The following OPHN1 variants were observed in gnomAD, a reference collection of about 807,000 sequenced individuals.
OPHN1 encodes the protein oligophrenin 1.
A neutral mutation model predicts 60.7 loss-of-function variants in OPHN1; 11 were observed. The ratio of observed to expected loss-of-function variants is 0.18; its 90% CI spans 0.11 to 0.30. The LOEUF (loss-of-function observed/expected upper bound fraction) is 0.30, where lower values mean the gene tolerates loss of function less well. Ranked by LOEUF, OPHN1 falls within the 10% of genes least tolerant of loss-of-function variation. The probability of loss-of-function intolerance (pLI) is 1.00; values close to 1 mark genes in which losing one functional copy is unlikely to be tolerated. For synonymous variants in OPHN1, 226 were observed against 222.6 expected, an observed-to-expected ratio of 1.02 and a Z score of -0.14; for missense variants, 449 against 611.0, an observed-to-expected ratio of 0.73 and a Z score of 2.80.
chrX:68,383,235 A>C (rs2078606838), intron 2 of OPHN1, among the ~76,000 whole-genome samples: 1 of 111,207 alleles, frequency 9.0e-6, no homozygotes, highest in Non-Finnish European at 1.9e-5. Context: ...CTCTCATCTC[A>C]GACCAAGTGC....
At chrX:68,187,569 G>T (rs1338738153) in intron 15 of OPHN1, among the ~76,000 whole-genome samples, 1 of 110,073 alleles carries the variant, frequency 9.1e-6, no homozygotes, top group East Asian at 2.8e-4. Context: ...AATGATTTTA[G>T]GCTACTGACC....
chrX:68,191,890 A>C (rs1158176637), intron 15 of OPHN1, among the ~76,000 whole-genome samples: 1 of 111,809 alleles, frequency 8.9e-6, no homozygotes, highest in Non-Finnish European at 1.9e-5. Flanking sequence ...CTTAAAAAGA[A>C]GACTCAAATA....
At chrX:68,265,608 A>C (rs1406444336) in intron 5 of OPHN1, among the ~76,000 whole-genome samples, 1 of 111,794 alleles carries the variant, frequency 8.9e-6, no homozygotes, top group Non-Finnish European at 1.9e-5. Context: ...GGAAACTCTA[A>C]AACTCAGAGC....
At chrX:68,170,967 G>T (rs1021241460) in intron 15 of OPHN1, among the ~76,000 whole-genome samples, 9 of 110,385 alleles carry the variant, frequency 8.2e-5, no homozygotes, top group African/African-American at 2.6e-4. Flanking sequence ...TTGAAGGATG[G>T]TTACAAGAGT....
chrX:68,136,909 T>C (rs1025154829), intron 15 of OPHN1, among the ~76,000 whole-genome samples: 12 of 111,823 alleles, frequency 1.1e-4, no homozygotes, highest in African/African-American at 3.9e-4. Context: ...ATAAAGTTCT[T>C]GAATACTATA....
chrX:68,302,945 A>G (rs780969375), intron 2 of OPHN1, among the ~76,000 whole-genome samples: 12 of 110,967 alleles, frequency 1.1e-4, no homozygotes, highest in Non-Finnish European at 1.7e-4. Context: ...AATTTTAAAA[A>G]AGAAAGCAAT....
At chrX:68,124,523 G>A (rs1008184439) in intron 15 of OPHN1, among the ~76,000 whole-genome samples, 4 of 111,028 alleles carry the variant, frequency 3.6e-5, no homozygotes, top group African/African-American at 6.6e-5. Context: ...AGAAGCATTC[G>A]ACTTAATCTG....
At chrX:68,065,639 C>T (rs1450957356) in intron 20 of OPHN1, among the ~76,000 whole-genome samples, 3 of 111,804 alleles carry the variant, frequency 2.7e-5, no homozygotes, top group South Asian at 3.8e-4. Flanking sequence ...TACAAGTTCC[C>T]TATTCTCTCT....
intron 2 of OPHN1, among the ~76,000 whole-genome samples, chrX:68,366,890 C>A (rs2078501401): frequency 9.0e-6 from 1 of 111,415 alleles, no homozygotes; most frequent in Non-Finnish European, 1.9e-5. Context: ...TATCTTTATA[C>A]CCAACTTTGC....
intron 15 of OPHN1, among the ~76,000 whole-genome samples, chrX:68,188,168 T>C (rs1944564142): frequency 8.9e-6 from 1 of 112,170 alleles, no homozygotes; most frequent in Non-Finnish European, 1.9e-5. Flanking sequence ...TATCCTACTG[T>C]TTACATACTT....
intron 5 of OPHN1, among the ~76,000 whole-genome samples, chrX:68,266,060 C>A (rs774411500): frequency 7.4e-4 from 83 of 111,702 alleles, no homozygotes; most frequent in African/African-American, 2.6e-3. Flanking sequence ...GATTGGTGTA[C>A]CTGAAAGTGA....
At chrX:68,220,460 C>A (rs1246674434) in intron 6 of OPHN1, among the ~76,000 whole-genome samples, 1 of 109,890 alleles carries the variant, frequency 9.1e-6, no homozygotes, top group Non-Finnish European at 1.9e-5. Context: ...ATACCAAAGC[C>A]TGGCAGAGAC....
intron 2 of OPHN1, among the ~76,000 whole-genome samples, chrX:68,331,577 C>T (rs1171792691): frequency 3.7e-5 from 4 of 108,222 alleles, no homozygotes; most frequent in Non-Finnish European, 5.7e-5. Flanking sequence ...ACTAAAAAAA[C>T]AAAATCAGCT....
At chrX:68,116,294 C>A (rs911494845) in intron 16 of OPHN1, among the ~76,000 whole-genome samples, 5 of 112,023 alleles carry the variant, frequency 4.5e-5, no homozygotes, top group African/African-American at 1.6e-4. Context: ...CCACAAGAGA[C>A]TTTGCAGGGC....
At chrX:68,207,720 C>G (rs2077565959) in intron 9 of OPHN1, among the ~76,000 whole-genome samples, 1 of 111,679 alleles carries the variant, frequency 9.0e-6, no homozygotes, top group Non-Finnish European at 1.9e-5. Flanking sequence ...ACCTTTCTAG[C>G]TTTTTCTTTT....
intron 5 of OPHN1, among the ~76,000 whole-genome samples, chrX:68,270,891 T>C (rs138801673): frequency 9.0e-6 from 1 of 111,318 alleles, no homozygotes; most frequent in Non-Finnish European, 1.9e-5. Flanking sequence ...TACAACCAGA[T>C]CTCAATTCAT....
At chrX:68,300,848 T>C (rs1032556570) in intron 2 of OPHN1, among the ~76,000 whole-genome samples, 1 of 112,526 alleles carries the variant, frequency 8.9e-6, no homozygotes, top group Non-Finnish European at 1.9e-5. Context: ...TAAAATTATC[T>C]CAAAATTTCA....
chrX:68,152,752 C>A lies in OPHN1; in HGVS notation c.1277-33420G>T, dbSNP rs990167329. On this transcript the variant is annotated intron_variant, in intron 15 of 24. Transcript: ENST00000355520. ...GCCACCCCACTTGGCCTGACCTTAC[C>A]CTATTGATTCCCTCTTAATATCTCC... Among the ~76,000 whole-genome samples, 4 of 110,591 alleles carry A rather than the reference C, an allele frequency of 3.6e-5. No homozygotes were observed. The Admixed American group carries it at 3.9e-4, about 11-fold the overall frequency.
At chrX:68,090,497 A>G (rs966596990) in intron 19 of OPHN1, among the ~76,000 whole-genome samples, 4 of 111,157 alleles carry the variant, frequency 3.6e-5, no homozygotes, top group Non-Finnish European at 3.8e-5. Flanking sequence ...TTTTAGAGAA[A>G]GGAGAGACAG....
Sources: allele counts gnomAD v4.1 joint callset (sites outside exome capture counted in the v4.1 genomes callset), GRCh38; gene constraint gnomAD v4.1.1; transcripts MANE v1.5; gene names NCBI Gene and HGNC (gene_info 2026-07-23, HGNC 2026-07-21).